The following DCC variants were observed in gnomAD, a reference collection of about 807,000 sequenced individuals.
DCC encodes the protein DCC netrin 1 receptor.
Under a neutral mutation model 172.5 loss-of-function variants are expected in DCC, and 58 were observed. The observed-to-expected ratio is 0.34, with a 90% CI of 0.27 to 0.42. The LOEUF is 0.42. DCC is among the 10% of genes least tolerant of loss of function. The probability of loss-of-function intolerance (pLI) is 1.00; values close to 1 mark genes in which losing one functional copy is unlikely to be tolerated. For synonymous variants in DCC, 709 were observed against 644.5 expected (o/e 1.10, Z -1.52); for missense variants, 1,740 against 1,791.0 (o/e 0.97, Z 0.51).
intron 25 of DCC, among the ~76,000 whole-genome samples, chr18:53,483,811 T>G (rs9964174): frequency 0.24 from 35,710 of 151,756 alleles, 4,681 homozygotes; most frequent in East Asian, 0.41. Context: ...CGTAAAATTT[T>G]ATTGGAGTGT....
At chr18:53,030,098 G>A (rs1321838777) in intron 5 of DCC, among the ~76,000 whole-genome samples, 3 of 152,068 alleles carry the variant, frequency 2.0e-5, no homozygotes, top group Non-Finnish European at 4.4e-5. Context: ...CAACCCTCCT[G>A]GAATGTCTAG....
intron 9 of DCC, among the ~76,000 whole-genome samples, chr18:53,195,015 C>T (rs997227690): frequency 6.6e-6 from 1 of 152,152 alleles, no homozygotes; most frequent in South Asian, 2.1e-4. Flanking sequence ...ATATTGAACA[C>T]TTGCTTTTTC....
rs183742883 is a variant in DCC, at chr18:53,486,816, G to T, written c.3756G>T (p.Pro1252=). The part of the protein sequence containing the change: ...SNNPAVVSAI[P]VPTLESAQYP... ...TTGCAGCTGTCGTGAGCGCCATCCC[G>T]GTGCCAACGCTAGAAAGTGCCCAGT... Residue 1252 remains proline (P), a synonymous_variant, in exon 26 of 29, where the codon CCG becomes CCT. Coordinates refer to ENST00000442544, the MANE Select transcript of DCC (RefSeq NM_005215.4). 6.2e-6 allele frequency: 10 copies of T among 1,614,042 alleles called. No individual in the cohort carries two copies. In the East Asian group the frequency reaches 2.2e-4, roughly 36 times the overall value.
chr18:53,477,742 ATAT>A (rs1435122305), intron 25 of DCC, among the ~76,000 whole-genome samples: 6 of 152,174 alleles, frequency 3.9e-5, no homozygotes, highest in African/African-American at 1.4e-4. Context: ...TATTTGTCTA[ATAT>A]TATACTTTTT....
intron 2 of DCC, among the ~76,000 whole-genome samples, chr18:52,759,436 TC>T (rs2037125606): frequency 6.6e-6 from 1 of 152,204 alleles, no homozygotes; most frequent in Non-Finnish European, 1.5e-5. Context: ...CATTTCCTTT[TC>T]TTTGTTATGA....
At chr18:52,874,310 A>G (rs906101402) in intron 2 of DCC, among the ~76,000 whole-genome samples, 1 of 152,338 alleles carries the variant, frequency 6.6e-6, no homozygotes, top group East Asian at 1.9e-4. Flanking sequence ...CATTATAAAG[A>G]CCAATTTAAC....
chr18:53,364,490 C>T (rs2057980556), intron 15 of DCC, among the ~76,000 whole-genome samples: 1 of 151,956 alleles, frequency 6.6e-6, no homozygotes, highest in Non-Finnish European at 1.5e-5. Context: ...AGAGAGAGAA[C>T]ACTGTGAGTT....
At chr18:53,027,825 A>AT (rs567058002) in intron 5 of DCC, among the ~76,000 whole-genome samples, 3,296 of 149,444 alleles carry the variant, frequency 0.022, 49 homozygotes, top group Admixed American at 0.036. Context: ...AAGAGCAGTT[A>AT]TTTTTTTTTT....
chr18:52,509,325 G>T (rs1278680271), intron 1 of DCC, among the ~76,000 whole-genome samples: 6 of 152,070 alleles, frequency 3.9e-5, no homozygotes. Context: ...GTTAAAATAG[G>T]TTAGTGAAAA....
intron 5 of DCC, among the ~76,000 whole-genome samples, chr18:53,014,535 C>A (rs1423266665): frequency 7.0e-6 from 1 of 142,592 alleles, no homozygotes; most frequent in Non-Finnish European, 1.5e-5. Context: ...TGAGAACATG[C>A]AGTGTTTGGT....
rs2040184133 is a variant in DCC, at chr18:52,925,292, G to T, written c.907G>T (p.Asp303Tyr). 6.2e-7 allele frequency: 1 copy of T among 1,612,046 alleles called. No individual in the cohort carries two copies. Residue 303 changes from aspartate (D) to tyrosine (Y), a missense_variant, in exon 5 of 29, where the codon GAT (aspartate) becomes TAT (tyrosine). By Grantham distance (160) the Asp-to-Tyr change is radical. Coordinates refer to ENST00000442544, the MANE Select transcript of DCC (RefSeq NM_005215.4). The stretch of plus-strand genomic sequence containing the variant: ...CTTGCTTATCTCCAATGTGACAGAT[G>T]ATGACAGTGGAATGTATACCTGTGT... ...SNLLISNVTDDDSGMYTCVVT... is the reference protein window; with the variant it reads ...SNLLISNVTDYDSGMYTCVVT...
At chr18:52,957,176 T>C (rs546683767) in intron 5 of DCC, among the ~76,000 whole-genome samples, 1 of 152,278 alleles carries the variant, frequency 6.6e-6, no homozygotes, top group South Asian at 2.1e-4. Flanking sequence ...AAAAATGTAA[T>C]ATTTATGATC....
intron 5 of DCC, among the ~76,000 whole-genome samples, chr18:53,003,289 C>T (rs7504478): frequency 0.46 from 69,448 of 151,968 alleles, 16,822 homozygotes; most frequent in Non-Finnish European, 0.55. Context: ...GCAAATCATT[C>T]GATACATAAT....
At chr18:53,253,349 T>C (rs1355777642) in intron 12 of DCC, among the ~76,000 whole-genome samples, 2 of 152,050 alleles carry the variant, frequency 1.3e-5, no homozygotes, top group Non-Finnish European at 2.9e-5. Context: ...GAAAAATCCC[T>C]ATGGGGTAGA....
At chr18:52,807,117 C>T (rs990559951) in intron 2 of DCC, among the ~76,000 whole-genome samples, 8 of 152,178 alleles carry the variant, frequency 5.3e-5, no homozygotes, top group Non-Finnish European at 8.8e-5. Flanking sequence ...ATCGCTTGAG[C>T]GCGGGAGGTG....
chr18:52,660,126 G>A (rs959265327), intron 1 of DCC, among the ~76,000 whole-genome samples: 1 of 152,076 alleles, frequency 6.6e-6, no homozygotes, highest in African/African-American at 2.4e-5. Context: ...ACTACATCAT[G>A]CCACCCCTTT....
At chr18:53,090,732 A>AT (rs2042994520) in intron 7 of DCC, among the ~76,000 whole-genome samples, 1 of 129,078 alleles carries the variant, frequency 7.7e-6, no homozygotes, top group Non-Finnish European at 1.7e-5. Context: ...AAAAAAAAAA[A>AT]AAGAATGTAT....
At chr18:53,029,977 C>A (rs1037434285) in intron 5 of DCC, among the ~76,000 whole-genome samples, 3 of 152,202 alleles carry the variant, frequency 2.0e-5, no homozygotes, top group Admixed American at 6.5e-5. Flanking sequence ...TGCAGCCATT[C>A]ACTTCTCAGA....
At chr18:53,296,916 C>A (rs1303628272) in intron 12 of DCC, among the ~76,000 whole-genome samples, 1 of 152,158 alleles carries the variant, frequency 6.6e-6, no homozygotes, top group Non-Finnish European at 1.5e-5. Flanking sequence ...TATGGGAATT[C>A]CATCTAGATA....
Sources: gnomAD v4.1 joint callset for allele counts (sites outside exome capture counted in the v4.1 genomes callset) on GRCh38, gnomAD v4.1.1 for gene constraint, MANE v1.5 for transcripts, NCBI Gene and HGNC (gene_info 2026-07-23, HGNC 2026-07-21) for gene names.